Variants in HARBI1 observed in about 807,000 individuals in gnomAD.
The protein encoded by HARBI1 is putative nuclease HARBI1.
Under a neutral mutation model 25.3 loss-of-function variants are expected in HARBI1, and 15 were observed. The observed-to-expected ratio is 0.59, with a 90% CI of 0.40 to 0.91. The LOEUF (loss-of-function observed/expected upper bound fraction) is 0.91, where lower values mean the gene tolerates loss of function less well. Among genes scored for constraint, HARBI1 ranks in the 40% least tolerant of loss-of-function variants. The probability of loss-of-function intolerance (pLI) is 0.00; values close to 1 mark genes in which losing one functional copy is unlikely to be tolerated. For synonymous variants in HARBI1, 168 were observed against 160.5 expected (o/e 1.05, Z -0.35); for missense variants, 396 against 445.8 (o/e 0.89, Z 1.01).
intron 2 of HARBI1, chr11:46,604,363 C>T: frequency 1.3e-6 from 1 of 796,542 alleles, no homozygotes; most frequent in Non-Finnish European, 1.5e-6. Flanking sequence ...CAAGATCACG[C>T]CATTGCACTC....
chr11:46,617,073 G>A, intron 1 of HARBI1, 51 bp downstream of exon 1: 1 of 900,172 alleles, frequency 1.1e-6, no homozygotes, highest in Non-Finnish European at 1.3e-6. Context: ...AAAAACGGAT[G>A]TCAAAGTCTG....
At chr11:46,605,064 C>T (rs2069089) in intron 2 of HARBI1, among the ~76,000 whole-genome samples, 2,572 of 152,276 alleles carry the variant, frequency 0.017, 27 homozygotes, top group Non-Finnish European at 0.026. Flanking sequence ...GGCAAAACCT[C>T]TTAGAAATTT....
rs1565358942 is a variant in HARBI1, at chr11:46,616,074, G to C, written c.164C>G (p.Ala55Gly). The change falls in exon 2 of 3, where the codon GCG (alanine) becomes GGG (glycine). Residue 55 changes from alanine to glycine, a missense_variant. Physicochemically the swap from Ala to Gly is moderately conservative, Grantham distance 60. Transcript: ENST00000326737. ...TCGCTGAGTAGGCCTAGAAAGATTC[G>C]CCCCCAAGAGCTCCACCAAGTAATA... Reference protein sequence around the residue: ...FIYYLVELLGANLSRPTQRSR... With the variant: ...FIYYLVELLGGNLSRPTQRSR... The C allele has an allele frequency of 1.2e-6, 2 of 1,614,024 alleles. No homozygotes were observed. Among genetic ancestry groups the C allele is most frequent in the Non-Finnish European group, 1.7e-6 (2 of 1,180,032 alleles).
chr11:46,616,796 G>A lies in HARBI1; in HGVS notation c.-145+328C>T. On this transcript the variant is annotated intron_variant, in intron 1 of 2. Coordinates refer to ENST00000326737, the MANE Select transcript of HARBI1 (RefSeq NM_173811.4). ...CCTGACAAATACAGGACAGATGCTG[G>A]GGTGTTCAAACCAGTCTAACAAGAA... is the stretch of plus-strand genomic sequence containing the variant. The A allele has an allele frequency of 3.1e-6, 3 of 970,114 alleles. No homozygotes were observed. The South Asian group carries it at 1.4e-4, about 46-fold the overall frequency. 60.1% of individuals were successfully genotyped at this position (970,114 alleles called of 1,614,324 possible).
intron 2 of HARBI1, 84 bp downstream of exon 2, chr11:46,615,484 T>G: frequency 8.9e-7 from 1 of 1,127,046 alleles, no homozygotes; most frequent in Middle Eastern, 2.0e-4. Flanking sequence ...CCCAAAGTGC[T>G]GGGGTTGTGT....
chr11:46,608,558 G>A (rs1031744569), intron 2 of HARBI1, among the ~76,000 whole-genome samples: 1 of 151,872 alleles, frequency 6.6e-6, no homozygotes, highest in African/African-American at 2.4e-5. Context: ...GATCCTCCCA[G>A]GTCAGCCTCC....
chr11:46,615,811 C>T lies in HARBI1; in HGVS notation c.427G>A (p.Gly143Arg), dbSNP rs763931346. ...ATACAGTCAACCACCCCCATCACCC[C>T]TGGCATCCCTGCCAACCCATAGAAT... ...DEFYGLAGMP[G>R]VMGVVDCIHV... Residue 143 changes from glycine to arginine, a missense_variant, in exon 2 of 3, where the codon GGG (glycine) becomes AGG (arginine). Gly to Arg is a moderately radical substitution (Grantham distance 125). Transcript: ENST00000326737. 1.7e-5 allele frequency: 28 copies of T among 1,614,226 alleles called. No homozygotes were observed. Among genetic ancestry groups the T allele is most frequent in the Non-Finnish European group, 2.1e-5 (25 of 1,180,040 alleles).
At chr11:46,616,413 C>T (rs1378356876) in intron 1 of HARBI1, 32 bp from the exon 2 acceptor site, 1 of 1,420,528 alleles carries the variant, frequency 7.0e-7, no homozygotes, top group African/African-American at 1.4e-5. Context: ...ACATTAGGAA[C>T]CTACCAAAGA....
chr11:46,617,063 A>C (rs1415844668), intron 1 of HARBI1, 61 bp downstream of exon 1: 1 of 934,782 alleles, frequency 1.1e-6, no homozygotes, highest in Non-Finnish European at 1.3e-6. Flanking sequence ...AGGGCACCCT[A>C]AAAACGGATG....
At chr11:46,608,471 G>T (rs768007444) in intron 2 of HARBI1, among the ~76,000 whole-genome samples, 5 of 151,904 alleles carry the variant, frequency 3.3e-5, no homozygotes, top group Non-Finnish European at 7.4e-5. Flanking sequence ...ATGATTTAGG[G>T]TATCTCTCTG....
intron 2 of HARBI1, chr11:46,604,146 C>T (rs1050439789): frequency 6.1e-6 from 6 of 985,176 alleles, no homozygotes; most frequent in Non-Finnish European, 7.2e-6. Context: ...CACATAAAAA[C>T]GCTGGCACCT....
At chr11:46,617,650 G>A (rs919202027), upstream of HARBI1, 2 of 385,042 alleles carry the variant, frequency 5.2e-6, no homozygotes, top group Non-Finnish European at 9.2e-6. Context: ...CTTAACCAGT[G>A]AGGGAAGCAC....
In HARBI1 at chr11:46,615,796, C is replaced by T; in HGVS notation, c.442G>A (p.Val148Ile). ...TTGATGGCCACATGGATACAGTCAA[C>T]CACCCCCATCACCCCTGGCATCCCT... ...LAGMPGVMGV[V>I]DCIHVAIKAP... Residue 148 changes from valine to isoleucine, a missense_variant, in exon 2 of 3, where the codon GTT (valine) becomes ATT (isoleucine). Coordinates refer to ENST00000326737, the MANE Select transcript of HARBI1 (RefSeq NM_173811.4). 1 of 1,614,190 alleles carries T rather than the reference C, an allele frequency of 6.2e-7. No homozygotes were observed. The highest frequency in any genetic ancestry group is 8.5e-7 in the Non-Finnish European group (1 of 1,180,042).
intron 2 of HARBI1, chr11:46,604,191 G>C (rs944804774): frequency 1.1e-5 from 11 of 985,222 alleles, no homozygotes; most frequent in African/African-American, 1.7e-5. Flanking sequence ...GTAGGAAGGA[G>C]GTGAAGGCAC....
At chr11:46,610,126 T>A (rs2045116290) in intron 2 of HARBI1, among the ~76,000 whole-genome samples, 1 of 151,236 alleles carries the variant, frequency 6.6e-6, no homozygotes, top group Non-Finnish European at 1.5e-5. Flanking sequence ...GTGCTGGGAT[T>A]ACAGGCATGA....
At chr11:46,607,814 A>C (rs2045012819) in intron 2 of HARBI1, among the ~76,000 whole-genome samples, 1 of 151,704 alleles carries the variant, frequency 6.6e-6, no homozygotes, top group South Asian at 2.1e-4. Context: ...AATTGTTTGC[A>C]GGAATAGGTA....
intron 1 of HARBI1, 109 bp downstream of exon 1, chr11:46,617,015 G>T: frequency 2.0e-6 from 2 of 985,354 alleles, no homozygotes; most frequent in Non-Finnish European, 2.4e-6. Flanking sequence ...AAAGAGGCTG[G>T]CCGAACCAGG....
chr11:46,617,702 C>T, upstream of HARBI1: 1 of 397,384 alleles, frequency 2.5e-6, no homozygotes, highest in Non-Finnish European at 4.4e-6. Flanking sequence ...CTCGCGGAGT[C>T]TTAGGAGCAA....
At chr11:46,605,159 G>C (rs2044889928) in intron 2 of HARBI1, among the ~76,000 whole-genome samples, 1 of 152,092 alleles carries the variant, frequency 6.6e-6, no homozygotes, top group Non-Finnish European at 1.5e-5. Flanking sequence ...GTTCTGGACT[G>C]TTCAGACAGT....
Sources: allele counts gnomAD v4.1 joint callset (sites outside exome capture counted in the v4.1 genomes callset), GRCh38; gene constraint gnomAD v4.1.1; transcripts MANE v1.5; gene names NCBI Gene and HGNC (gene_info 2026-07-23, HGNC 2026-07-21).